The following LEPR variants were observed in gnomAD, a reference collection of about 807,000 sequenced individuals.
LEPR encodes the protein leptin receptor.
In LEPR, 56 loss-of-function variants were observed where a neutral mutation model predicts 114.7. The observed-to-expected ratio is 0.49, with a 90% CI of 0.39 to 0.61. The LOEUF (loss-of-function observed/expected upper bound fraction) is 0.61. Ranked by LOEUF, LEPR falls within the 20% of genes least tolerant of loss-of-function variation. The probability of loss-of-function intolerance (pLI) is 0.00; values close to 1 mark genes in which losing one functional copy is unlikely to be tolerated. For synonymous variants in LEPR, 443 were observed against 461.4 expected (o/e 0.96, Z 0.51); for missense variants, 1,202 against 1,352.9 (o/e 0.89, Z 1.75).
chr1:65,595,276 G>C (rs1401307736), intron 6 of LEPR, among the ~76,000 whole-genome samples: 1 of 132,348 alleles, frequency 7.6e-6, no homozygotes, highest in Non-Finnish European at 1.6e-5. Context: ...TCTTTACGTT[G>C]TTCCAATGTA....
chr1:65,467,271 C>T (rs924576154), intron 2 of LEPR, among the ~76,000 whole-genome samples: 1 of 152,082 alleles, frequency 6.6e-6, no homozygotes, highest in Non-Finnish European at 1.5e-5. Flanking sequence ...GTTAGTTTTG[C>T]TTCTAACAGT....
At chr1:65,608,966 AATT>A (rs1333368388) in intron 12 of LEPR, 65 bp downstream of exon 12, 23 of 1,585,270 alleles carry the variant, frequency 1.5e-5, no homozygotes, top group Non-Finnish European at 2.0e-5. Context: ...GTAAGAGTTT[AATT>A]GCATTAGATT....
intron 2 of LEPR, among the ~76,000 whole-genome samples, chr1:65,504,126 A>T (rs1269386576): frequency 6.6e-6 from 1 of 152,214 alleles, no homozygotes; most frequent in Non-Finnish European, 1.5e-5. Flanking sequence ...GTAGCAATGG[A>T]TTATGATTCA....
At chr1:65,482,736 C>T (rs1347226272) in intron 2 of LEPR, among the ~76,000 whole-genome samples, 1 of 151,974 alleles carries the variant, frequency 6.6e-6, no homozygotes, top group African/African-American at 2.4e-5. Flanking sequence ...GCCTGTAATC[C>T]CAGCACTTTG....
At chr1:65,451,791 G>A (rs1350082021) in intron 2 of LEPR, among the ~76,000 whole-genome samples, 1 of 152,046 alleles carries the variant, frequency 6.6e-6, no homozygotes, top group African/African-American at 2.4e-5. Context: ...GAACTTTAAA[G>A]TAGTTTTTTC....
At chr1:65,498,761 A>G (rs2100515745) in intron 2 of LEPR, among the ~76,000 whole-genome samples, 1 of 152,298 alleles carries the variant, frequency 6.6e-6, no homozygotes. Context: ...TCATTTCTTT[A>G]AATACCCAGG....
At chr1:65,449,916 G>C (rs1202973105) in intron 2 of LEPR, among the ~76,000 whole-genome samples, 1 of 151,658 alleles carries the variant, frequency 6.6e-6, no homozygotes, top group Non-Finnish European at 1.5e-5. Flanking sequence ...TCTAAGCACT[G>C]TTTTTACTGT....
intron 5 of LEPR, among the ~76,000 whole-genome samples, chr1:65,591,157 CTTTCTGTTATTGA>C (rs552580874): frequency 1.1e-4 from 16 of 152,048 alleles, no homozygotes; most frequent in Non-Finnish European, 1.6e-4. Context: ...TTCCAAATAT[CTTTCTGTTATTGA>C]TTTCTGTTAT....
chr1:65,548,883 G>A (rs1037629239), intron 2 of LEPR, among the ~76,000 whole-genome samples: 10 of 152,186 alleles, frequency 6.6e-5, no homozygotes, highest in African/African-American at 2.4e-4. Context: ...TTCATTAGTT[G>A]ATGCAGTTTC....
chr1:65,468,069 A>T (rs1177285318), intron 2 of LEPR, among the ~76,000 whole-genome samples: 1 of 152,096 alleles, frequency 6.6e-6, no homozygotes, highest in Non-Finnish European at 1.5e-5. Context: ...AGTCCCAATG[A>T]GATGAACCAG....
chr1:65,488,194 T>TTCTTTCTCTCTCTCTCTCTCTC (rs1557620038), intron 2 of LEPR, among the ~76,000 whole-genome samples: 1 of 22,972 alleles, frequency 4.4e-5, no homozygotes, highest in Non-Finnish European at 9.2e-5. Flanking sequence ...CTTTCTTTCT[T>TTCTTTCTCTCTCTCTCTCTCTC]TCTTTCTTTC....
intron 7 of LEPR, among the ~76,000 whole-genome samples, chr1:65,596,866 A>G (rs1287592887): frequency 6.6e-6 from 1 of 151,894 alleles, no homozygotes; most frequent in Non-Finnish European, 1.5e-5. Flanking sequence ...TTAATTGCTC[A>G]ATCTATTTGA....
intron 2 of LEPR, among the ~76,000 whole-genome samples, chr1:65,502,926 C>T (rs1033832620): frequency 6.6e-6 from 1 of 150,824 alleles, no homozygotes; most frequent in African/African-American, 2.4e-5. Context: ...TAGAGAAAAC[C>T]AGTCCCCAGA....
chr1:65,448,969 C>T (rs1250174934), intron 2 of LEPR, among the ~76,000 whole-genome samples: 1 of 152,210 alleles, frequency 6.6e-6, no homozygotes, highest in African/African-American at 2.4e-5. Context: ...TCTTGGCTCA[C>T]TGCAACCTCC....
At chr1:65,434,934 T>G in intron 2 of LEPR, 1 of 985,528 alleles carries the variant, frequency 1.0e-6, no homozygotes, top group Non-Finnish European at 1.2e-6. Flanking sequence ...CTTGTGATTA[T>G]CTTCTCCACA....
rs768503592 is a variant in LEPR at position 65,616,197 on chromosome 1, T to G, written c.2185T>G (p.Leu729Val). Residue 729 changes from leucine to valine, a missense_variant, in exon 15 of 20, where the codon TTA (leucine) becomes GTA (valine). Leu to Val is a conservative substitution (Grantham distance 32). Transcript: ENST00000349533. ...TGGTGCTTCTGTTGCAAATTTTAAT[T>G]TAACCTTTTCATGGCCTATGAGCAA... Reference protein sequence around the residue: ...SIGASVANFNLTFSWPMSKVN... With the variant: ...SIGASVANFNVTFSWPMSKVN... 3.0e-5 allele frequency: 48 copies of G among 1,614,062 alleles called. No individual in the cohort carries two copies. The highest frequency in any genetic ancestry group is 1.0e-4 in the Admixed American group (6 of 60,008).
intron 2 of LEPR, among the ~76,000 whole-genome samples, chr1:65,466,044 A>G (rs1647007708): frequency 6.6e-6 from 1 of 152,152 alleles, no homozygotes; most frequent in African/African-American, 2.4e-5. Context: ...TAATATTGTT[A>G]TATTTGAATT....
At chr1:65,492,812 T>TC (rs1299484614) in intron 2 of LEPR, among the ~76,000 whole-genome samples, 3 of 144,774 alleles carry the variant, frequency 2.1e-5, no homozygotes, top group African/African-American at 7.8e-5. Context: ...AATTCATCCA[T>TC]CTTTTTTTTT....
intron 2 of LEPR, among the ~76,000 whole-genome samples, chr1:65,455,013 C>T (rs1365743998): frequency 6.6e-6 from 1 of 152,146 alleles, no homozygotes; most frequent in African/African-American, 2.4e-5. Context: ...AACTTCCCTT[C>T]TCACTTCATT....
Sources: allele counts gnomAD v4.1 joint callset (sites outside exome capture counted in the v4.1 genomes callset), GRCh38; gene constraint gnomAD v4.1.1; transcripts MANE v1.5; gene names NCBI Gene and HGNC (gene_info 2026-07-23, HGNC 2026-07-21).